The following UNC5D variants were observed in gnomAD, a reference collection of about 807,000 sequenced individuals.
UNC5D encodes unc-5 netrin receptor D.
In UNC5D, 39 loss-of-function variants were observed where a neutral mutation model predicts 105.4. The observed-to-expected ratio is 0.37, with a 90% CI of 0.29 to 0.48. UNC5D has a LOEUF of 0.48. UNC5D is among the 20% of genes least tolerant of loss of function. UNC5D has a pLI of 0.98. For synonymous variants in UNC5D, 452 were observed against 450.4 expected (o/e 1.00, Z -0.04); for missense variants, 991 against 1,202.4 (o/e 0.82, Z 2.60).
intron 4 of UNC5D, among the ~76,000 whole-genome samples, chr8:35,616,820 A>C (rs1297710595): frequency 6.6e-6 from 1 of 152,252 alleles, no homozygotes; most frequent in East Asian, 1.9e-4. Context: ...AAAGATCCGA[A>C]GGCCAGCAGT....
intron 4 of UNC5D, among the ~76,000 whole-genome samples, chr8:35,641,366 CAAAAAAAAAAAAAAAAAAA>C (rs1237149779): frequency 6.8e-5 from 3 of 44,292 alleles, no homozygotes; most frequent in African/African-American, 1.7e-4. Context: ...AAAAATAAAG[CAAAAAAAAAAAAAAAAAAA>C]GAAAAAAAAA....
chr8:35,424,699 C>T (rs966729112), intron 1 of UNC5D, among the ~76,000 whole-genome samples: 1 of 152,330 alleles, frequency 6.6e-6, no homozygotes, highest in Middle Eastern at 3.4e-3. Context: ...ACACACTCAT[C>T]TCTATAGTGT....
intron 1 of UNC5D, among the ~76,000 whole-genome samples, chr8:35,423,382 T>C (rs952683529): frequency 6.6e-6 from 1 of 152,168 alleles, no homozygotes; most frequent in African/African-American, 2.4e-5. Context: ...TGAAATGTCC[T>C]CCTCCTTCCT....
At chr8:35,628,783 A>G (rs989074546) in intron 4 of UNC5D, among the ~76,000 whole-genome samples, 1 of 152,226 alleles carries the variant, frequency 6.6e-6, no homozygotes, top group African/African-American at 2.4e-5. Flanking sequence ...TTATCATGGT[A>G]TGAGACTTAC....
rs1448156444 is a variant in UNC5D, at chr8:35,724,341, A to G, written c.1304-1811A>G. ...TATTATGGTAATCTGCCTCATGCTG[A>G]TATCATGTGGTTTTCACCTCCACTG... On this transcript the variant is annotated intron_variant, in intron 9 of 16. Coordinates refer to ENST00000404895, the MANE Select transcript of UNC5D (RefSeq NM_080872.4). 11 of 1,524,888 alleles carry G rather than the reference A, an allele frequency of 7.2e-6. 1 individual carries two copies. Among genetic ancestry groups the G allele is most frequent in the South Asian group, 6.1e-5 (5 of 82,202 alleles). 94.5% of individuals were successfully genotyped at this position (1,524,888 alleles called of 1,614,324 possible). A position where few individuals can be genotyped will look rare whatever the true frequency, so the allele number is the denominator to read the frequency against.
At chr8:35,696,058 C>T (rs1826750760) in intron 7 of UNC5D, among the ~76,000 whole-genome samples, 1 of 152,030 alleles carries the variant, frequency 6.6e-6, no homozygotes, top group Admixed American at 6.6e-5. Flanking sequence ...TTTGTCAACA[C>T]AAATTCAAAA....
chr8:35,479,446 T>C (rs1810330189), intron 1 of UNC5D, among the ~76,000 whole-genome samples: 2 of 152,174 alleles, frequency 1.3e-5, no homozygotes, highest in Admixed American at 1.3e-4. Flanking sequence ...ATTGTGTATA[T>C]ACCCAAAGGA....
At chr8:35,418,222 A>G (rs1805651509) in intron 1 of UNC5D, among the ~76,000 whole-genome samples, 2 of 152,082 alleles carry the variant, frequency 1.3e-5, no homozygotes, top group South Asian at 4.2e-4. Flanking sequence ...AACAATCTCA[A>G]TTGTTTATTT....
chr8:35,663,323 CTTCT>C (rs1247643238), intron 4 of UNC5D, among the ~76,000 whole-genome samples: 3 of 152,160 alleles, frequency 2.0e-5, no homozygotes, highest in Non-Finnish European at 4.4e-5. Context: ...CTAGGTATCC[CTTCT>C]GTCCTTATTC....
intron 3 of UNC5D, among the ~76,000 whole-genome samples, chr8:35,578,268 TC>T (rs112516146): frequency 0.36 from 48,469 of 135,056 alleles, 10,445 homozygotes; most frequent in African/African-American, 0.65. Flanking sequence ...AAACTCTGTC[TC>T]AAAAAAAAAA....
At chr8:35,653,171 G>T (rs917210378) in intron 4 of UNC5D, among the ~76,000 whole-genome samples, 1 of 151,782 alleles carries the variant, frequency 6.6e-6, no homozygotes, top group African/African-American at 2.4e-5. Context: ...CTCATGATTC[G>T]CCCACTTCAG....
intron 11 of UNC5D, among the ~76,000 whole-genome samples, chr8:35,745,045 ACT>A (rs1829936271): frequency 6.6e-6 from 1 of 150,826 alleles, no homozygotes; most frequent in African/African-American, 2.4e-5. Flanking sequence ...CAAGAGCAAA[ACT>A]CTGTCTCAAA....
chr8:35,252,666 T>C (rs912025656), intron 1 of UNC5D, among the ~76,000 whole-genome samples: 5 of 152,180 alleles, frequency 3.3e-5, no homozygotes, highest in Non-Finnish European at 7.3e-5. Flanking sequence ...TTGTTGTCAG[T>C]AAAATTTGGG....
intron 1 of UNC5D, among the ~76,000 whole-genome samples, chr8:35,270,488 C>A (rs1563266209): frequency 6.6e-6 from 1 of 152,110 alleles, no homozygotes; most frequent in Non-Finnish European, 1.5e-5. Context: ...TAATTTTTAA[C>A]CCTAGTTACC....
intron 1 of UNC5D, among the ~76,000 whole-genome samples, chr8:35,507,241 G>A (rs555289448): frequency 6.6e-6 from 1 of 151,496 alleles, no homozygotes; most frequent in East Asian, 1.9e-4. Context: ...ATTTTTAGTA[G>A]AGACGGGGTT....
At chr8:35,727,869 T>G (rs1190697516) in intron 10 of UNC5D, 1 of 151,828 alleles carries the variant, frequency 6.6e-6, no homozygotes, top group African/African-American at 2.4e-5. Flanking sequence ...TAAGAATTCA[T>G]AAACTAGACA....
intron 1 of UNC5D, among the ~76,000 whole-genome samples, chr8:35,303,083 T>C (rs571792886): frequency 4.8e-4 from 73 of 152,248 alleles, no homozygotes; most frequent in African/African-American, 1.5e-3. Flanking sequence ...TATGTCAACA[T>C]ATAATCAATA....
chr8:35,534,220 C>G (rs1361682681), intron 1 of UNC5D, among the ~76,000 whole-genome samples: 2 of 152,142 alleles, frequency 1.3e-5, no homozygotes, highest in Non-Finnish European at 1.5e-5. Flanking sequence ...TAGCATATAT[C>G]TAGAGTTTTT....
intron 1 of UNC5D, among the ~76,000 whole-genome samples, chr8:35,333,603 C>A (rs1810799421): frequency 6.6e-6 from 1 of 152,038 alleles, no homozygotes; most frequent in Non-Finnish European, 1.5e-5. Context: ...CCTCAGCCTC[C>A]CAAGTAGCTA....
Sources: allele counts gnomAD v4.1 joint callset (sites outside exome capture counted in the v4.1 genomes callset), GRCh38; gene constraint gnomAD v4.1.1; transcripts MANE v1.5; gene names NCBI Gene and HGNC (gene_info 2026-07-23, HGNC 2026-07-21).